PDZRN4: variants seen among roughly 807,000 people sequenced by gnomAD.
PDZRN4 encodes PDZ domain containing ring finger 4.
A neutral mutation model predicts 99.0 loss-of-function variants in PDZRN4; 70 were observed. The ratio of observed to expected loss-of-function variants is 0.71; its 90% CI spans 0.58 to 0.86. The LOEUF (loss-of-function observed/expected upper bound fraction) is 0.86. PDZRN4 is among the 40% of genes least tolerant of loss of function. PDZRN4 has a pLI of 0.00. For missense variants in PDZRN4, 1,474 were observed against 1,331.2 expected (o/e 1.11, Z -1.67); for synonymous variants, 551 against 501.6 (o/e 1.10, Z -1.32).
intron 3 of PDZRN4, among the ~76,000 whole-genome samples, chr12:41,490,453 CAT>C (rs1937862729): frequency 1.3e-5 from 2 of 152,048 alleles, no homozygotes; most frequent in Non-Finnish European, 2.9e-5. Context: ...TGCAGACAAA[CAT>C]TGAAAGAAAA....
chr12:41,345,833 G>A (rs538467274), intron 3 of PDZRN4, among the ~76,000 whole-genome samples: 84 of 152,120 alleles, frequency 5.5e-4, no homozygotes, highest in African/African-American at 2.0e-3. Flanking sequence ...AATGATCACT[G>A]TTTTCCAATT....
chr12:41,541,684 A>G (rs1248710511), intron 5 of PDZRN4, among the ~76,000 whole-genome samples: 4 of 151,842 alleles, frequency 2.6e-5, no homozygotes, highest in Non-Finnish European at 4.4e-5. Flanking sequence ...TGACCTCCTG[A>G]CCTCATGATC....
intron 3 of PDZRN4, among the ~76,000 whole-genome samples, chr12:41,322,964 C>A (rs898181250): frequency 6.6e-6 from 1 of 151,662 alleles, no homozygotes; most frequent in Non-Finnish European, 1.5e-5. Flanking sequence ...ATGATATCTA[C>A]TGGATTGCTA....
chr12:41,349,148 A>G (rs1951874274), intron 3 of PDZRN4, among the ~76,000 whole-genome samples: 1 of 151,996 alleles, frequency 6.6e-6, no homozygotes, highest in Non-Finnish European at 1.5e-5. Flanking sequence ...TATATTAACA[A>G]AAAGCTCTTT....
intron 3 of PDZRN4, among the ~76,000 whole-genome samples, chr12:41,357,939 G>A (rs1951938992): frequency 6.6e-6 from 1 of 151,980 alleles, no homozygotes; most frequent in Non-Finnish European, 1.5e-5. Flanking sequence ...GTGAGAAACA[G>A]GCCATATGCA....
chr12:41,260,449 T>A (rs1422198851), intron 3 of PDZRN4, among the ~76,000 whole-genome samples: 2 of 152,114 alleles, frequency 1.3e-5, no homozygotes, highest in East Asian at 3.8e-4. Flanking sequence ...TAAAATAAAC[T>A]AAGGGCTTAA....
At chr12:41,341,063 A>C (rs1951812572) in intron 3 of PDZRN4, among the ~76,000 whole-genome samples, 1 of 151,948 alleles carries the variant, frequency 6.6e-6, no homozygotes, top group Non-Finnish European at 1.5e-5. Flanking sequence ...TAACATGTAG[A>C]AATCAATAAA....
intron 3 of PDZRN4, among the ~76,000 whole-genome samples, chr12:41,498,768 G>C (rs1218674664): frequency 6.6e-6 from 1 of 151,986 alleles, no homozygotes; most frequent in Non-Finnish European, 1.5e-5. Flanking sequence ...CTTTAAATTT[G>C]TTCTATGATC....
At chr12:41,219,597 A>C (rs1192485397) in intron 3 of PDZRN4, among the ~76,000 whole-genome samples, 2 of 152,030 alleles carry the variant, frequency 1.3e-5, no homozygotes, top group African/African-American at 4.8e-5. Context: ...GAAATATGTG[A>C]GGTGAGGTAT....
chr12:41,301,635 A>T (rs1951536173), intron 3 of PDZRN4, among the ~76,000 whole-genome samples: 1 of 152,106 alleles, frequency 6.6e-6, no homozygotes, highest in Admixed American at 6.6e-5. Flanking sequence ...CCCAAAAAAG[A>T]TAATGCTAAA....
chr12:41,200,876 C>T (rs533944064), intron 3 of PDZRN4, among the ~76,000 whole-genome samples: 190 of 152,152 alleles, frequency 1.2e-3, no homozygotes, highest in Non-Finnish European at 2.0e-3. Flanking sequence ...GAACCATATA[C>T]GTTTGTTCCA....
intron 3 of PDZRN4, among the ~76,000 whole-genome samples, chr12:41,455,536 T>C (rs1026437090): frequency 1.3e-5 from 2 of 152,156 alleles, no homozygotes; most frequent in South Asian, 2.1e-4. Context: ...CTTTCAACTA[T>C]TGCAGCAAAA....
intron 3 of PDZRN4, among the ~76,000 whole-genome samples, chr12:41,386,671 A>G (rs1298079041): frequency 6.6e-6 from 1 of 152,228 alleles, no homozygotes; most frequent in Non-Finnish European, 1.5e-5. Context: ...ACCAAGGGCA[A>G]TCCTAAGCAA....
At chr12:41,316,290 T>TA (rs1951637778) in intron 3 of PDZRN4, among the ~76,000 whole-genome samples, 1 of 152,102 alleles carries the variant, frequency 6.6e-6, no homozygotes, top group African/African-American at 2.4e-5. Flanking sequence ...AAGCGTATGT[T>TA]AAAATCAAGA....
At chr12:41,406,490 T>G (rs1481270992) in intron 3 of PDZRN4, among the ~76,000 whole-genome samples, 1 of 152,216 alleles carries the variant, frequency 6.6e-6, no homozygotes, top group African/African-American at 2.4e-5. Flanking sequence ...ACAACTCATC[T>G]TGATCAATCC....
At chr12:41,413,777 C>G (rs546360978) in intron 3 of PDZRN4, among the ~76,000 whole-genome samples, 3 of 152,168 alleles carry the variant, frequency 2.0e-5, no homozygotes, top group African/African-American at 7.2e-5. Context: ...ACTTGCCACT[C>G]TCTGACTTTT....
At chr12:41,420,978 A>G (rs1952484200) in intron 3 of PDZRN4, among the ~76,000 whole-genome samples, 1 of 152,096 alleles carries the variant, frequency 6.6e-6, no homozygotes, top group Admixed American at 6.6e-5. Context: ...TATTTTTATT[A>G]ATGATGTAGC....
At chr12:41,324,697 G>A (rs969440527) in intron 3 of PDZRN4, among the ~76,000 whole-genome samples, 2 of 152,056 alleles carry the variant, frequency 1.3e-5, no homozygotes, top group Non-Finnish European at 2.9e-5. Context: ...TTCTAGATCT[G>A]TGTGCTTTCC....
intron 5 of PDZRN4, among the ~76,000 whole-genome samples, chr12:41,526,756 A>C (rs377567812): frequency 1.3e-4 from 20 of 152,336 alleles, no homozygotes; most frequent in African/African-American, 3.8e-4. Flanking sequence ...ATTCTTATGC[A>C]TACAAACACA....
Sources: allele counts gnomAD v4.1 joint callset (sites outside exome capture counted in the v4.1 genomes callset), GRCh38; gene constraint gnomAD v4.1.1; transcripts MANE v1.5; gene names NCBI Gene and HGNC (gene_info 2026-07-23, HGNC 2026-07-21).